DDX19B: variants seen among roughly 807,000 people sequenced by gnomAD.
The protein encoded by DDX19B is ATP-dependent RNA helicase DDX19B.
In DDX19B, 27 loss-of-function variants were observed where a neutral mutation model predicts 58.1. The observed-to-expected ratio is 0.46, with a 90% CI of 0.34 to 0.64. The LOEUF is 0.64. Among genes scored for constraint, DDX19B ranks in the 30% least tolerant of loss-of-function variants. The probability of loss-of-function intolerance (pLI) is 0.01; values close to 1 mark genes in which losing one functional copy is unlikely to be tolerated. For missense variants in DDX19B, 399 were observed against 596.5 expected, an observed-to-expected ratio of 0.67 and a Z score of 3.45; for synonymous variants, 187 against 214.4, an observed-to-expected ratio of 0.87 and a Z score of 1.12.
At chr16:70,296,506 G>A (rs141961237), upstream of DDX19B, among the ~76,000 whole-genome samples, 2 of 152,078 alleles carry the variant, frequency 1.3e-5, no homozygotes, top group African/African-American at 2.4e-5. Flanking sequence ...GGGGGTTCCT[G>A]TTTGTTTTGT....
At chr16:70,315,052 C>A in intron 3 of DDX19B, 97 bp downstream of exon 3, 1 of 1,300,282 alleles carries the variant, frequency 7.7e-7, no homozygotes, top group South Asian at 1.2e-5. Flanking sequence ...TTTGGCTTGA[C>A]TTTAATAGGC....
intron 4 of DDX19B, 68 bp from the exon 5 acceptor site, chr16:70,317,428 C>T: frequency 8.1e-7 from 1 of 1,233,434 alleles, no homozygotes; most frequent in Non-Finnish European, 1.2e-6. Context: ...AGAGAAAAAT[C>T]CTCCAGATAT....
chr16:70,326,853 G>A (rs548789812), intron 7 of DDX19B, among the ~76,000 whole-genome samples: 1 of 137,888 alleles, frequency 7.3e-6, no homozygotes, highest in South Asian at 2.3e-4. Context: ...TTTTTTTTTT[G>A]AGAGAGAGTC....
chr16:70,333,535 A>G lies in DDX19B; in HGVS notation c.1393A>G (p.Arg465Gly). Residue 465 changes from arginine to glycine, a missense_variant, in exon 12 of 12, where the codon AGA becomes GGA. Coordinates refer to ENST00000288071, the MANE Select transcript of DDX19B (RefSeq NM_007242.7). ...IQEHFNKKIERLDTDDLDEIE... is the reference protein window; with the variant it reads ...IQEHFNKKIEGLDTDDLDEIE... ...CTTTCCCCCAGATAAGAAGATAGAA[A>G]GATTGGACACAGATGATTTGGACGA... 1.2e-6 allele frequency: 2 copies of G among 1,613,988 alleles called. No homozygotes were observed. Among genetic ancestry groups the G allele is most frequent in the Admixed American group, 1.7e-5 (1 of 60,016 alleles).
At chr16:70,322,558 C>T (rs1339017857) in intron 5 of DDX19B, among the ~76,000 whole-genome samples, 1 of 142,148 alleles carries the variant, frequency 7.0e-6, no homozygotes, top group Non-Finnish European at 1.5e-5. Context: ...CACTGCACTC[C>T]AGTCTGGGCG....
At position 70,317,605 on chromosome 16, in the gene DDX19B, A is replaced by C. The variant is rs1962504454; in HGVS notation, c.389+17A>C. On this transcript the variant is annotated intron_variant, in intron 5 of 11. Coordinates refer to ENST00000288071, the MANE Select transcript of DDX19B (RefSeq NM_007242.7). ...TGCTGAGCCGTATGTGTCCTATTACAACTCCATTTCATTTTAGATTTTCTA... is the reference window on the plus strand; with the variant it reads ...TGCTGAGCCGTATGTGTCCTATTACCACTCCATTTCATTTTAGATTTTCTA... The C allele has an allele frequency of 6.3e-7, 1 of 1,591,110 alleles. No homozygotes were observed. Among genetic ancestry groups the C allele is most frequent in the Middle Eastern group, 1.7e-4 (1 of 5,986 alleles).
intron 5 of DDX19B, among the ~76,000 whole-genome samples, chr16:70,318,476 G>A (rs943386824): frequency 6.6e-6 from 1 of 151,884 alleles, no homozygotes; most frequent in African/African-American, 2.4e-5. Flanking sequence ...TTTTCTCTAT[G>A]TAAACATATA....
At chr16:70,327,000 A>AATT (rs1175325890) in intron 7 of DDX19B, among the ~76,000 whole-genome samples, 2 of 151,342 alleles carry the variant, frequency 1.3e-5, no homozygotes, top group African/African-American at 2.4e-5. Context: ...ACGCCCAGCT[A>AATT]ATTTTTTGTA....
chr16:70,317,622 G>A (rs1174959309), intron 5 of DDX19B, 34 bp downstream of exon 5: 10 of 1,573,270 alleles, frequency 6.4e-6, no homozygotes, highest in Non-Finnish European at 8.7e-6. Flanking sequence ...TTTCATTTTA[G>A]ATTTTCTATT....
intron 1 of DDX19B, 90 bp from the exon 2 acceptor site, chr16:70,312,519 C>A: frequency 1.8e-6 from 2 of 1,137,316 alleles, no homozygotes; most frequent in Non-Finnish European, 2.6e-6. Flanking sequence ...GCTATTTTAT[C>A]CCCAGCTTCA....
chr16:70,306,852 T>C (rs1961782175), intron 1 of DDX19B, among the ~76,000 whole-genome samples: 1 of 152,212 alleles, frequency 6.6e-6, no homozygotes, highest in African/African-American at 2.4e-5. Flanking sequence ...GGAAACTCTG[T>C]ACACATTAGC....
intron 9 of DDX19B, among the ~76,000 whole-genome samples, chr16:70,331,379 G>A (rs563676262): frequency 1.1e-4 from 16 of 152,084 alleles, no homozygotes; most frequent in South Asian, 8.3e-4. Context: ...GAAGATCTTT[G>A]GCTAAAGCCA....
chr16:70,315,039 C>T, intron 3 of DDX19B, 84 bp downstream of exon 3: 1 of 1,476,706 alleles, frequency 6.8e-7, no homozygotes, highest in African/African-American at 1.4e-5. Context: ...TTTTTATACC[C>T]AGTTTGGCTT....
upstream of DDX19B, among the ~76,000 whole-genome samples, chr16:70,291,561 C>A (rs1000917915): frequency 5.3e-5 from 8 of 152,090 alleles, no homozygotes; most frequent in African/African-American, 1.4e-4. Flanking sequence ...GTAATCCCAG[C>A]ACTTTTGGGA....
upstream of DDX19B, among the ~76,000 whole-genome samples, chr16:70,297,635 A>G (rs1961278014): frequency 6.6e-6 from 1 of 152,186 alleles, no homozygotes; most frequent in African/African-American, 2.4e-5. Context: ...AGGGAAGAGA[A>G]GCTTCTTTGA....
At chr16:70,332,622 C>G (rs1345061837) in intron 10 of DDX19B, among the ~76,000 whole-genome samples, 1 of 152,050 alleles carries the variant, frequency 6.6e-6, no homozygotes, top group Non-Finnish European at 1.5e-5. Flanking sequence ...TTCCCTTTAC[C>G]CGAAGTTGGT....
At chr16:70,311,636 T>C (rs955643819) in intron 1 of DDX19B, among the ~76,000 whole-genome samples, 1 of 152,142 alleles carries the variant, frequency 6.6e-6, no homozygotes. Context: ...GAAATGTCTC[T>C]TTCCTTTCTA....
At chr16:70,328,223 A>G (rs1382621410) in intron 7 of DDX19B, among the ~76,000 whole-genome samples, 1 of 152,050 alleles carries the variant, frequency 6.6e-6, no homozygotes, top group African/African-American at 2.4e-5. Flanking sequence ...CCTTATGAAA[A>G]TCAAGTCTGC....
chr16:70,312,351 C>T (rs1962137729), intron 1 of DDX19B, among the ~76,000 whole-genome samples: 1 of 152,140 alleles, frequency 6.6e-6, no homozygotes, highest in African/African-American at 2.4e-5. Flanking sequence ...AGCAAACTCA[C>T]AAATTACAAT....
Sources: gnomAD v4.1 joint callset for allele counts (sites outside exome capture counted in the v4.1 genomes callset) on GRCh38, gnomAD v4.1.1 for gene constraint, MANE v1.5 for transcripts, NCBI Gene and HGNC (gene_info 2026-07-23, HGNC 2026-07-21) for gene names.